RTL4: variants seen among roughly 807,000 people sequenced by gnomAD.
RTL4 encodes retrotransposon Gag like 4.
A neutral mutation model predicts 5.3 loss-of-function variants in RTL4; 4 were observed. The ratio of observed to expected loss-of-function variants is 0.75; its 90% CI spans 0.37 to 1.72. The LOEUF is 1.72. Ranked by LOEUF, RTL4 falls within the 40% of genes most tolerant of loss-of-function variation. The probability of loss-of-function intolerance (pLI) is 0.04; values close to 1 mark genes in which losing one functional copy is unlikely to be tolerated. For missense variants in RTL4, 260 were observed against 227.1 expected (o/e 1.14, Z -0.93); for synonymous variants, 98 against 87.3 (o/e 1.12, Z -0.68).
the RTL4 span, among the ~76,000 whole-genome samples, chrX:112,194,068 C>T: frequency 8.9e-6 from 1 of 111,949 alleles, no homozygotes. Context: ...TGTGAGGGTC[C>T]ACTCAAGGAA....
the RTL4 span, among the ~76,000 whole-genome samples, chrX:112,155,564 G>A: frequency 9.0e-6 from 1 of 111,212 alleles, no homozygotes; most frequent in African/African-American, 3.3e-5. Context: ...CCACTAGCCT[G>A]CTGATCTTCA....
the RTL4 span, among the ~76,000 whole-genome samples, chrX:112,110,620 C>T: frequency 1.8e-5 from 2 of 111,865 alleles, no homozygotes; most frequent in African/African-American, 6.5e-5. Flanking sequence ...TTCAATTATT[C>T]TTTGCTATTA....
the RTL4 span, among the ~76,000 whole-genome samples, chrX:112,409,070 C>G: frequency 8.9e-6 from 1 of 112,383 alleles, no homozygotes; most frequent in Non-Finnish European, 1.9e-5. Flanking sequence ...GAGCAAGAAG[C>G]AATTGTCTGA....
the RTL4 span, among the ~76,000 whole-genome samples, chrX:112,159,837 C>T: frequency 9.0e-6 from 1 of 110,696 alleles, no homozygotes; most frequent in Non-Finnish European, 1.9e-5. Context: ...TGTAGCAGCC[C>T]CTACACCTCT....
At chrX:112,247,836 T>G in the RTL4 span, among the ~76,000 whole-genome samples, 1 of 111,555 alleles carries the variant, frequency 9.0e-6, no homozygotes. Context: ...TACTTGAGGG[T>G]CCTATTGGCC....
the RTL4 span, among the ~76,000 whole-genome samples, chrX:112,438,898 T>G: frequency 3.6e-5 from 4 of 112,103 alleles, no homozygotes; most frequent in Non-Finnish European, 7.5e-5. Flanking sequence ...AACTAAGTGA[T>G]AAGGCCTGTA....
the RTL4 span, among the ~76,000 whole-genome samples, chrX:112,102,672 A>T: frequency 0.16 from 17,855 of 110,844 alleles, 2,184 homozygotes; most frequent in African/African-American, 0.42. Flanking sequence ...TGGGAGAAAA[A>T]GTTTGCAATC....
At chrX:112,399,531 G>T in the RTL4 span, among the ~76,000 whole-genome samples, 2 of 111,485 alleles carry the variant, frequency 1.8e-5, no homozygotes, top group Non-Finnish European at 3.8e-5. Context: ...TTTTGATGCA[G>T]CTCAAAATAA....
At chrX:112,160,787 A>G in the RTL4 span, among the ~76,000 whole-genome samples, 1 of 111,067 alleles carries the variant, frequency 9.0e-6, no homozygotes. Flanking sequence ...GTGTGTATCT[A>G]TGTATGTTTT....
At chrX:112,252,520 G>A in the RTL4 span, among the ~76,000 whole-genome samples, 1 of 111,720 alleles carries the variant, frequency 9.0e-6, no homozygotes, top group African/African-American at 3.3e-5. Flanking sequence ...AATGTGGAGG[G>A]TGGAGTTTGA....
At chrX:112,199,185 A>T in the RTL4 span, among the ~76,000 whole-genome samples, 1 of 106,385 alleles carries the variant, frequency 9.4e-6, no homozygotes, top group African/African-American at 3.4e-5. Flanking sequence ...GCTACTTGGG[A>T]GGCTGAGGCA....
the RTL4 span, among the ~76,000 whole-genome samples, chrX:112,182,685 C>T: frequency 2.7e-5 from 3 of 112,172 alleles, no homozygotes; most frequent in African/African-American, 6.5e-5. Flanking sequence ...ACCAAACCTA[C>T]ATTTGATTGG....
chrX:112,225,954 G>A, the RTL4 span, among the ~76,000 whole-genome samples: 1,830 of 111,663 alleles, frequency 0.016, 19 homozygotes, highest in Non-Finnish European at 0.025. Flanking sequence ...TATTTCCATG[G>A]TGTAAATAAT....
chrX:112,236,411 A>C, the RTL4 span, among the ~76,000 whole-genome samples: 2 of 60,333 alleles, frequency 3.3e-5, no homozygotes, highest in Non-Finnish European at 6.2e-5. Flanking sequence ...ATAGATATAG[A>C]TCTATATCTA....
At chrX:112,242,083 G>A in the RTL4 span, among the ~76,000 whole-genome samples, 1 of 111,892 alleles carries the variant, frequency 8.9e-6, no homozygotes, top group African/African-American at 3.3e-5. Context: ...GTACCATGCT[G>A]TTTTGGTTAC....
the RTL4 span, among the ~76,000 whole-genome samples, chrX:112,306,350 C>A: frequency 8.9e-6 from 1 of 111,820 alleles, no homozygotes; most frequent in African/African-American, 3.3e-5. Flanking sequence ...CTGGAACTAT[C>A]TCTTTTCTAG....
At chrX:112,436,512 A>G in the RTL4 span, among the ~76,000 whole-genome samples, 1 of 112,055 alleles carries the variant, frequency 8.9e-6, no homozygotes, top group African/African-American at 3.2e-5. Context: ...TAAAATTACC[A>G]GTCTCTTTAT....
At chrX:112,323,889 G>C in the RTL4 span, among the ~76,000 whole-genome samples, 1 of 111,983 alleles carries the variant, frequency 8.9e-6, no homozygotes, top group South Asian at 3.7e-4. Flanking sequence ...GTAGTGTCCT[G>C]AGTTTTTCCA....
chrX:112,099,050 A>G, the RTL4 span, among the ~76,000 whole-genome samples: 690 of 112,195 alleles, frequency 6.2e-3, 1 homozygote, highest in African/African-American at 0.021. Flanking sequence ...TAATTAAACT[A>G]AAGAGCTTCT....
Sources: allele counts gnomAD v4.1 joint callset (sites outside exome capture counted in the v4.1 genomes callset), GRCh38; gene constraint gnomAD v4.1.1; transcripts MANE v1.5; gene names NCBI Gene and HGNC (gene_info 2026-07-23, HGNC 2026-07-21).